Variants in LURAP1L observed in about 807,000 individuals in gnomAD.
The protein encoded by LURAP1L is leucine rich adaptor protein 1-like.
In LURAP1L, 12 loss-of-function variants were observed where a neutral mutation model predicts 13.8. The ratio of observed to expected loss-of-function variants is 0.87; its 90% CI spans 0.56 to 1.41. LURAP1L has a LOEUF of 1.41. Ranked by LOEUF, LURAP1L falls within the 40% of genes most tolerant of loss-of-function variation. The pLI is 0.00. For missense variants in LURAP1L, 375 were observed against 292.9 expected (o/e 1.28, Z -2.04); for synonymous variants, 139 against 119.2 (o/e 1.17, Z -1.08).
chr9:12,810,291 A>G (rs1819719003), intron 1 of LURAP1L, among the ~76,000 whole-genome samples: 1 of 152,130 alleles, frequency 6.6e-6, no homozygotes, highest in African/African-American at 2.4e-5. Context: ...CCAGCAATTC[A>G]CCAATGACAG....
At chr9:12,781,804 T>A (rs373733478) in intron 1 of LURAP1L, among the ~76,000 whole-genome samples, 1 of 152,304 alleles carries the variant, frequency 6.6e-6, no homozygotes, top group African/African-American at 2.4e-5. Flanking sequence ...ATATATTAGT[T>A]CTAATTTTAT....
At chr9:12,813,321 A>C (rs926015661) in intron 1 of LURAP1L, among the ~76,000 whole-genome samples, 3 of 152,194 alleles carry the variant, frequency 2.0e-5, no homozygotes, top group Admixed American at 6.5e-5. Flanking sequence ...CTCAAAATTC[A>C]TGGCATCCTA....
chr9:12,788,735 T>C (rs1819397904), intron 1 of LURAP1L, among the ~76,000 whole-genome samples: 2 of 151,954 alleles, frequency 1.3e-5, no homozygotes, highest in Admixed American at 6.6e-5. Flanking sequence ...AGTGATATCA[T>C]TGAATGATAA....
intron 1 of LURAP1L, 34 bp from the exon 2 acceptor site, chr9:12,821,352 G>A: frequency 6.3e-7 from 1 of 1,587,078 alleles, no homozygotes; most frequent in East Asian, 2.3e-5. Flanking sequence ...AGTGTAAAAT[G>A]GCTGGAATAT....
chr9:12,793,867 A>T (rs780212501), intron 1 of LURAP1L, among the ~76,000 whole-genome samples: 2 of 152,116 alleles, frequency 1.3e-5, no homozygotes, highest in African/African-American at 4.8e-5. Context: ...ATTAATAAAT[A>T]AAATGAGCTC....
intron 1 of LURAP1L, among the ~76,000 whole-genome samples, chr9:12,813,941 C>T (rs1442172794): frequency 6.6e-6 from 1 of 152,080 alleles, no homozygotes; most frequent in Non-Finnish European, 1.5e-5. Flanking sequence ...TACAACAGTT[C>T]AGCAAGAATA....
At chr9:12,778,417 G>C (rs1429780317) in intron 1 of LURAP1L, among the ~76,000 whole-genome samples, 3 of 152,086 alleles carry the variant, frequency 2.0e-5, no homozygotes, top group Non-Finnish European at 4.4e-5. Flanking sequence ...CTCCATTAAG[G>C]CATTTTAAGA....
chr9:12,812,456 T>C (rs1819749871), intron 1 of LURAP1L, among the ~76,000 whole-genome samples: 1 of 152,232 alleles, frequency 6.6e-6, no homozygotes, highest in Non-Finnish European at 1.5e-5. Context: ...CACTCTCTGT[T>C]GCCTTTGTAA....
chr9:12,821,542 A>C lies in LURAP1L; in HGVS notation c.469A>C (p.Ser157Arg), dbSNP rs777132649. ...CCTGTGCAGTTTGTTGGAGAGTCAG[A>C]GCACCTCCTTACGTGGCAGCTACAA... ...GSLCSLLESQ[S>R]TSLRGSYNSL... The change falls in exon 2 of 2, where the codon AGC becomes CGC. Residue 157 changes from serine to arginine, a missense_variant. Ser to Arg is a moderately radical substitution (Grantham distance 110). Transcript: ENST00000319264. The C allele has an allele frequency of 2.5e-6, 4 of 1,614,138 alleles. No individual in the cohort carries two copies. The highest frequency in any genetic ancestry group is 3.4e-6 in the Non-Finnish European group (4 of 1,180,018).
Position 12,775,792 on chromosome 9 carries a change from G to C in LURAP1L, c.77G>C (p.Arg26Pro), listed in dbSNP as rs531772186. Reference protein sequence around the residue: ...LGRKVPESLVRSLRGEEPVPR... With the variant: ...LGRKVPESLVPSLRGEEPVPR... ...CGCAAAGTACCCGAGAGTCTAGTGC[G>C]CTCTCTCCGTGGGGAGGAGCCGGTT... Residue 26 changes from arginine to proline, a missense_variant, in exon 1 of 2, where the codon CGC (arginine) becomes CCC (proline). Arg to Pro is a moderately radical substitution (Grantham distance 103). Transcript: ENST00000319264. 1.2e-6 allele frequency: 2 copies of C among 1,609,976 alleles called. No homozygotes were observed. Among genetic ancestry groups the C allele is most frequent in the Non-Finnish European group, 1.7e-6 (2 of 1,178,770 alleles).
chr9:12,777,223 C>T (rs777115444), intron 1 of LURAP1L: 23 of 984,936 alleles, frequency 2.3e-5, no homozygotes, highest in Non-Finnish European at 2.8e-5. Context: ...TTAAGGACAA[C>T]CCTTAGGTAC....
intron 1 of LURAP1L, among the ~76,000 whole-genome samples, chr9:12,783,598 G>A (rs534938962): frequency 1.9e-4 from 29 of 151,998 alleles, no homozygotes; most frequent in Non-Finnish European, 4.0e-4. Context: ...GTTGAATTAG[G>A]TTCACTATTA....
At chr9:12,781,723 G>T (rs1297016496) in intron 1 of LURAP1L, among the ~76,000 whole-genome samples, 1 of 152,214 alleles carries the variant, frequency 6.6e-6, no homozygotes, top group Non-Finnish European at 1.5e-5. Context: ...AGACACAGGA[G>T]TGAAGATATC....
chr9:12,776,049 C>G, intron 1 of LURAP1L, 22 bp downstream of exon 1: 2 of 1,611,584 alleles, frequency 1.2e-6, no homozygotes, highest in South Asian at 2.2e-5. Context: ...GCGCCAGCCG[C>G]GGGGGCTGGG....
chr9:12,799,435 A>T (rs2118508971), intron 1 of LURAP1L, among the ~76,000 whole-genome samples: 1 of 152,322 alleles, frequency 6.6e-6, no homozygotes, highest in African/African-American at 2.4e-5. Flanking sequence ...AAAATTAGGT[A>T]ATGTGTATTG....
At chr9:12,820,349 A>C (rs548328212) in intron 1 of LURAP1L, among the ~76,000 whole-genome samples, 1 of 152,048 alleles carries the variant, frequency 6.6e-6, no homozygotes, top group East Asian at 2.0e-4. Flanking sequence ...CTAAAAATAC[A>C]AAAATTAGCC....
rs556091178 is a variant in LURAP1L at position 12,777,056 on chromosome 9, A to C, written c.312+1029A>C. 7 of 198,772 alleles carry C rather than the reference A, an allele frequency of 3.5e-5. No individual in the cohort carries two copies. In the South Asian group the frequency reaches 7.1e-4, roughly 20 times the overall value. 12.3% of individuals were successfully genotyped at this position (198,772 alleles called of 1,614,324 possible). On this transcript the variant is annotated intron_variant, in intron 1 of 1. Coordinates refer to ENST00000319264, the MANE Select transcript of LURAP1L (RefSeq NM_203403.2). ...TCAAAAAGAGAAAATAATTTCATTA[A>C]ATTAACTTCACAGTTGCTTTTGATT...
intron 1 of LURAP1L, among the ~76,000 whole-genome samples, chr9:12,781,675 T>TA (rs1368158081): frequency 3.3e-5 from 5 of 152,340 alleles, no homozygotes; most frequent in African/African-American, 1.2e-4. Context: ...GGACACAGGT[T>TA]GCTTGTAAAT....
chr9:12,792,557 A>G (rs185407243), intron 1 of LURAP1L, among the ~76,000 whole-genome samples: 1 of 152,168 alleles, frequency 6.6e-6, no homozygotes, highest in Admixed American at 6.6e-5. Flanking sequence ...TGTCCAATAA[A>G]TGTGTCTATT....
Sources: gnomAD v4.1 joint callset for allele counts (sites outside exome capture counted in the v4.1 genomes callset) on GRCh38, gnomAD v4.1.1 for gene constraint, MANE v1.5 for transcripts, NCBI Gene and HGNC (gene_info 2026-07-23, HGNC 2026-07-21) for gene names.